The following NALF1 variants were observed in gnomAD, a reference collection of about 807,000 sequenced individuals.
NALF1 encodes NALCN channel auxiliary factor 1, also known as family with sequence similarity 155 member A.
Under a neutral mutation model 48.4 loss-of-function variants are expected in NALF1, and 3 were observed. The observed-to-expected ratio is 0.06, with a 90% CI of 0.03 to 0.16. The LOEUF is 0.16. Among genes scored for constraint, NALF1 ranks in the 10% least tolerant of loss-of-function variants. The pLI is 1.00. For synonymous variants in NALF1, 262 were observed against 245.7 expected (o/e 1.07, Z -0.62); for missense variants, 526 against 571.5 (o/e 0.92, Z 0.81).
chr13:107,674,854 G>C (rs1201053948), intron 1 of NALF1, among the ~76,000 whole-genome samples: 1 of 152,128 alleles, frequency 6.6e-6, no homozygotes, highest in Non-Finnish European at 1.5e-5. Flanking sequence ...GTGTGTTGCC[G>C]AAATGTTTCT....
intron 1 of NALF1, among the ~76,000 whole-genome samples, chr13:107,742,932 G>A (rs1168637976): frequency 8.5e-5 from 13 of 152,306 alleles, no homozygotes; most frequent in Non-Finnish European, 1.8e-4. Context: ...CAAGTCTTTG[G>A]CCTGGAGGAG....
At chr13:107,649,881 A>G (rs1880403276) in intron 1 of NALF1, among the ~76,000 whole-genome samples, 1 of 152,194 alleles carries the variant, frequency 6.6e-6, no homozygotes, top group Admixed American at 6.5e-5. Flanking sequence ...TGATTCAAAT[A>G]CAGGTTAGGC....
intron 1 of NALF1, among the ~76,000 whole-genome samples, chr13:107,550,416 A>G (rs747036708): frequency 2.0e-5 from 3 of 152,104 alleles, no homozygotes; most frequent in Non-Finnish European, 2.9e-5. Flanking sequence ...TGAGATTTCT[A>G]ATCATTTTTA....
intron 1 of NALF1, among the ~76,000 whole-genome samples, chr13:107,642,496 C>T (rs1309326945): frequency 6.6e-6 from 1 of 152,184 alleles, no homozygotes; most frequent in Admixed American, 6.5e-5. Context: ...TTGCATGTTG[C>T]TGAGCTGAAA....
intron 1 of NALF1, among the ~76,000 whole-genome samples, chr13:107,794,501 G>A (rs1418772517): frequency 6.8e-6 from 1 of 148,016 alleles, no homozygotes; most frequent in Non-Finnish European, 1.5e-5. Flanking sequence ...GAATTATAAT[G>A]CTTAACAATA....
intron 1 of NALF1, among the ~76,000 whole-genome samples, chr13:107,370,395 C>A (rs1166508434): frequency 6.6e-6 from 1 of 152,154 alleles, no homozygotes; most frequent in Non-Finnish European, 1.5e-5. Flanking sequence ...AGTTCTATCA[C>A]CCTGTGTTCT....
chr13:107,646,440 A>G (rs1026859619), intron 1 of NALF1, among the ~76,000 whole-genome samples: 2 of 152,136 alleles, frequency 1.3e-5, no homozygotes, highest in Non-Finnish European at 2.9e-5. Context: ...TTGAGAAGCC[A>G]CTGCCTTAAA....
intron 1 of NALF1, among the ~76,000 whole-genome samples, chr13:107,520,711 T>C (rs1300233145): frequency 6.6e-6 from 1 of 152,202 alleles, no homozygotes. Flanking sequence ...AACTCTTCCC[T>C]GTGTACGACT....
chr13:107,359,874 C>T (rs1201999678), intron 1 of NALF1, among the ~76,000 whole-genome samples: 1 of 152,180 alleles, frequency 6.6e-6, no homozygotes, highest in East Asian at 1.9e-4. Context: ...TCATTTGCAC[C>T]TTAATGAATG....
At chr13:107,566,800 G>C (rs1042786893) in intron 1 of NALF1, among the ~76,000 whole-genome samples, 1 of 152,146 alleles carries the variant, frequency 6.6e-6, no homozygotes, top group Non-Finnish European at 1.5e-5. Context: ...GAACAGAGTG[G>C]ATTTGACATT....
chr13:107,198,637 T>G (rs201899034), intron 2 of NALF1, among the ~76,000 whole-genome samples: 3 of 152,362 alleles, frequency 2.0e-5, no homozygotes, highest in East Asian at 3.9e-4. Context: ...AAGGCATTGC[T>G]CAGCGTATTC....
At chr13:107,750,415 A>G (rs1015596935) in intron 1 of NALF1, among the ~76,000 whole-genome samples, 1 of 152,256 alleles carries the variant, frequency 6.6e-6, no homozygotes, top group African/African-American at 2.4e-5. Context: ...TGAGCTGCAT[A>G]ACCATTTTTA....
At chr13:107,461,984 A>T (rs1023928716) in intron 1 of NALF1, among the ~76,000 whole-genome samples, 1 of 152,158 alleles carries the variant, frequency 6.6e-6, no homozygotes, top group South Asian at 2.1e-4. Context: ...GGTTATTCAC[A>T]TTCTTATGTT....
chr13:107,566,908 AT>A (rs1877827250), intron 1 of NALF1, among the ~76,000 whole-genome samples: 1 of 152,196 alleles, frequency 6.6e-6, no homozygotes, highest in Non-Finnish European at 1.5e-5. Context: ...ATATTAGTAC[AT>A]TTTGAGTCAA....
intron 1 of NALF1, among the ~76,000 whole-genome samples, chr13:107,804,781 T>C (rs1878725323): frequency 6.6e-6 from 1 of 152,216 alleles, no homozygotes; most frequent in Non-Finnish European, 1.5e-5. Context: ...TGTGGTGTAA[T>C]GAACAATACC....
chr13:107,767,386 T>C (rs903618332), intron 1 of NALF1, among the ~76,000 whole-genome samples: 1 of 152,216 alleles, frequency 6.6e-6, no homozygotes, highest in African/African-American at 2.4e-5. Context: ...CAAAGACCGA[T>C]TGTCCCCTGC....
chr13:107,443,225 T>G (rs946540360), intron 1 of NALF1, among the ~76,000 whole-genome samples: 1 of 151,312 alleles, frequency 6.6e-6, no homozygotes, highest in African/African-American at 2.4e-5. Context: ...TCTATCGATA[T>G]GTAAGTTTGA....
intron 1 of NALF1, among the ~76,000 whole-genome samples, chr13:107,820,880 T>C (rs1271995005): frequency 1.3e-5 from 2 of 152,172 alleles, no homozygotes; most frequent in Admixed American, 6.5e-5. Flanking sequence ...GCCCCTGCCA[T>C]GTATTTATTC....
At chr13:107,185,580 C>A (rs1594060060) in intron 2 of NALF1, among the ~76,000 whole-genome samples, 1 of 152,058 alleles carries the variant, frequency 6.6e-6, no homozygotes, top group Admixed American at 6.5e-5. Flanking sequence ...CCATCAATAT[C>A]ACCAATATTG....
Sources: gnomAD v4.1 joint callset for allele counts (sites outside exome capture counted in the v4.1 genomes callset) on GRCh38, gnomAD v4.1.1 for gene constraint, MANE v1.5 for transcripts, NCBI Gene and HGNC (gene_info 2026-07-23, HGNC 2026-07-21) for gene names.